ILDR1: variants seen among roughly 807,000 people sequenced by gnomAD.
ILDR1 encodes immunoglobulin like domain containing receptor 1, also known as immunoglobulin-like domain-containing receptor 1.
Under a neutral mutation model 62.4 loss-of-function variants are expected in ILDR1, and 56 were observed. The observed-to-expected ratio is 0.90, with a 90% CI of 0.72 to 1.12. The LOEUF (loss-of-function observed/expected upper bound fraction) is 1.12, where lower values mean the gene tolerates loss of function less well. ILDR1 is among the 50% of genes most tolerant of loss of function. The pLI is 0.00. For missense variants in ILDR1, 736 were observed against 710.6 expected, an observed-to-expected ratio of 1.04 and a Z score of -0.41; for synonymous variants, 284 against 277.8, an observed-to-expected ratio of 1.02 and a Z score of -0.22.
At chr3:122,049,407 G>A in the ILDR1 span, among the ~76,000 whole-genome samples, 1 of 152,116 alleles carries the variant, frequency 6.6e-6, no homozygotes, top group African/African-American at 2.4e-5. Flanking sequence ...CTATAGTGTC[G>A]ATCAAGCCCC....
At chr3:122,035,999 T>C in the ILDR1 span, among the ~76,000 whole-genome samples, 1 of 152,190 alleles carries the variant, frequency 6.6e-6, no homozygotes, top group African/African-American at 2.4e-5. Flanking sequence ...TTGACCAAAA[T>C]GCTGATAGTG....
chr3:121,993,993 C>T (rs1358752193), intron 6 of ILDR1, 23 bp from the exon 7 acceptor site: 4 of 1,599,458 alleles, frequency 2.5e-6, no homozygotes, highest in African/African-American at 1.3e-5. Context: ...AAGGACAGGA[C>T]AATAGAACAA....
In ILDR1 at chr3:121,993,333, C is replaced by G; in HGVS notation, c.1416G>C (p.Leu472Phe). The change falls in exon 7 of 8, where the codon TTG becomes TTC. Residue 472 changes from leucine (L) to phenylalanine (F), a missense_variant. By Grantham distance (22) the Leu-to-Phe change is conservative (BLOSUM62 0). Coordinates refer to ENST00000344209, the MANE Select transcript of ILDR1 (RefSeq NM_001199799.2). ...RRRHRSYSPP[L>F]PSGLSSWSSE... ...AGCTCCAGGAACTGAGGCCGGAGGG[C>G]AAGGGAGGAGAGTAGCTGCGGTGCC... is the stretch of plus-strand genomic sequence containing the variant. 1 of 1,610,798 alleles carries G rather than the reference C, an allele frequency of 6.2e-7. No individual in the cohort carries two copies. Among genetic ancestry groups the G allele is most frequent in the Non-Finnish European group, 8.5e-7 (1 of 1,177,566 alleles).
At chr3:122,035,480 C>CCCTGCTCAA in the ILDR1 span, among the ~76,000 whole-genome samples, 133 of 152,214 alleles carry the variant, frequency 8.7e-4, 2 homozygotes, top group Middle Eastern at 3.4e-3. Flanking sequence ...GGATTTGTGT[C>CCCTGCTCAA]CCTGCTCAAA....
chr3:122,013,710 G>C (rs1423263594), intron 1 of ILDR1, among the ~76,000 whole-genome samples: 2 of 152,080 alleles, frequency 1.3e-5, no homozygotes, highest in Non-Finnish European at 2.9e-5. Flanking sequence ...GAGTGGTCAC[G>C]AACAAGAAGG....
At chr3:122,053,350 C>T in the ILDR1 span, among the ~76,000 whole-genome samples, 1 of 151,924 alleles carries the variant, frequency 6.6e-6, no homozygotes, top group Non-Finnish European at 1.5e-5. Flanking sequence ...ATCATATATT[C>T]TGGATATCAA....
chr3:122,007,582 G>A (rs564018773), intron 1 of ILDR1, among the ~76,000 whole-genome samples: 6 of 152,260 alleles, frequency 3.9e-5, no homozygotes, highest in Admixed American at 6.5e-5. Flanking sequence ...TACGAAACCC[G>A]TTAGGTCAGC....
chr3:122,041,939 A>C, the ILDR1 span, among the ~76,000 whole-genome samples: 3 of 147,490 alleles, frequency 2.0e-5, no homozygotes, highest in African/African-American at 7.5e-5. Context: ...ATTATACTTT[A>C]AGTTTTAGGG....
chr3:122,033,025 G>A, the ILDR1 span, among the ~76,000 whole-genome samples: 1 of 152,244 alleles, frequency 6.6e-6, no homozygotes, highest in Non-Finnish European at 1.5e-5. Context: ...ACTTTGTTAT[G>A]TGGCAATAGA....
chr3:122,035,756 C>A, the ILDR1 span, among the ~76,000 whole-genome samples: 5 of 152,306 alleles, frequency 3.3e-5, no homozygotes, highest in Middle Eastern at 3.4e-3. Context: ...TCAATTAAAT[C>A]TCTTTTCTTC....
chr3:122,045,709 A>G, the ILDR1 span, among the ~76,000 whole-genome samples: 2 of 150,896 alleles, frequency 1.3e-5, no homozygotes, highest in Non-Finnish European at 3.0e-5. Context: ...TGTTGGTTTA[A>G]CGTCTGTTTT....
the ILDR1 span, among the ~76,000 whole-genome samples, chr3:122,034,733 A>C: frequency 1.3e-5 from 2 of 152,228 alleles, no homozygotes; most frequent in African/African-American, 4.8e-5. Flanking sequence ...TTTACAAAAG[A>C]AAGAGGCTTA....
the ILDR1 span, among the ~76,000 whole-genome samples, chr3:122,061,188 A>T: frequency 6.6e-6 from 1 of 152,204 alleles, no homozygotes; most frequent in African/African-American, 2.4e-5. Flanking sequence ...AACCTAAAAT[A>T]CTCAACTACC....
chr3:122,040,747 A>C, the ILDR1 span, among the ~76,000 whole-genome samples: 5 of 151,594 alleles, frequency 3.3e-5, no homozygotes, highest in African/African-American at 1.2e-4. Context: ...GAAAAAAAAA[A>C]AACAAGAATT....
chr3:122,041,161 G>T, the ILDR1 span, among the ~76,000 whole-genome samples: 1 of 152,292 alleles, frequency 6.6e-6, no homozygotes, highest in East Asian at 1.9e-4. Context: ...TGCTTTGAAT[G>T]TATCCCCCCA....
At chr3:122,004,841 A>G (rs1400486539) in intron 3 of ILDR1, among the ~76,000 whole-genome samples, 3 of 152,098 alleles carry the variant, frequency 2.0e-5, no homozygotes, top group Non-Finnish European at 4.4e-5. Flanking sequence ...AGAGGACCCT[A>G]TTTCCTTCCA....
At chr3:122,056,731 T>G in the ILDR1 span, among the ~76,000 whole-genome samples, 3 of 152,258 alleles carry the variant, frequency 2.0e-5, no homozygotes, top group African/African-American at 7.2e-5. Flanking sequence ...TGCTTTTATT[T>G]CAGAAGATTA....
intron 7 of ILDR1, among the ~76,000 whole-genome samples, chr3:121,990,298 G>A (rs1299078308): frequency 1.3e-5 from 2 of 152,216 alleles, no homozygotes; most frequent in Non-Finnish European, 2.9e-5. Context: ...TTCAAACTGA[G>A]CAATCTGCCA....
chr3:122,051,858 G>A, the ILDR1 span, among the ~76,000 whole-genome samples: 5 of 152,044 alleles, frequency 3.3e-5, no homozygotes, highest in African/African-American at 4.8e-5. Flanking sequence ...CTGTGGATAC[G>A]TTTTCTCTGG....
Sources: allele counts gnomAD v4.1 joint callset (sites outside exome capture counted in the v4.1 genomes callset), GRCh38; gene constraint gnomAD v4.1.1; transcripts MANE v1.5; gene names NCBI Gene and HGNC (gene_info 2026-07-23, HGNC 2026-07-21).